The following POGLUT1 variants were observed in gnomAD, a reference collection of about 807,000 sequenced individuals.
POGLUT1 encodes the protein protein O-glucosyltransferase 1, also known as 9630046K23Rik.
In POGLUT1, 32 loss-of-function variants were observed where a neutral mutation model predicts 61.3. The observed-to-expected ratio is 0.52, with a 90% CI of 0.39 to 0.70. The LOEUF is 0.70. Among genes scored for constraint, POGLUT1 ranks in the 30% least tolerant of loss-of-function variants. The probability of loss-of-function intolerance (pLI) is 0.00; values close to 1 mark genes in which losing one functional copy is unlikely to be tolerated. For missense variants in POGLUT1, 411 were observed against 469.8 expected (o/e 0.87, Z 1.16); for synonymous variants, 158 against 158.2 (o/e 1.00, Z 0.01).
At chr3:119,488,728 C>T in intron 7 of POGLUT1, 1 of 380,026 alleles carries the variant, frequency 2.6e-6, no homozygotes, top group Admixed American at 3.9e-5. Context: ...CTATTTAGAG[C>T]CACACTGACC....
In POGLUT1 at chr3:119,477,319, T is replaced by C. The variant is rs3732420; in HGVS notation, c.327T>C (p.Ser109=). The C allele has an allele frequency of 0.19, 302,582 of 1,613,422 alleles. 30,093 individuals carry two copies. The highest frequency in any genetic ancestry group is 0.24 in the Admixed American group (14,338 of 60,012). The change falls in exon 4 of 11, where the codon AGT becomes AGC. Residue 109 remains serine (S), a synonymous_variant. Transcript: ENST00000295588. The part of the protein sequence containing the change: ...ENDCMFPSRC[S]GVEHFILEVI... ...TGGTATGTCTGGTTGACAGGTGTAG[T>C]GGTGTTGAGCACTTTATTTTGGAAG...
Position 119,480,180 on chromosome 3 carries a change from C to T in POGLUT1, c.578+8C>T, listed in dbSNP as rs369576228. On this transcript the variant is annotated splice_region_variant and intron_variant, in intron 5 of 10. Coordinates refer to ENST00000295588, the MANE Select transcript of POGLUT1 (RefSeq NM_152305.3). ...CAGAGAAGATCTGGTAAGGTAGGTC[C>T]TTTAAAGAGGTTTTATTTTTTCTCT... The T allele has an allele frequency of 5.0e-5, 77 of 1,536,622 alleles. No individual in the cohort carries two copies. In the African/African-American group the frequency reaches 9.4e-4, roughly 19 times the overall value.
intron 4 of POGLUT1, among the ~76,000 whole-genome samples, chr3:119,479,212 G>A (rs1218321962): frequency 6.6e-6 from 1 of 152,080 alleles, no homozygotes. Flanking sequence ...TTACAGGTGT[G>A]AGCCACCGTG....
At chr3:119,471,510 C>G in intron 3 of POGLUT1, 58 bp downstream of exon 3, 2 of 1,511,328 alleles carry the variant, frequency 1.3e-6, no homozygotes, top group Non-Finnish European at 1.8e-6. Flanking sequence ...GCTTGATACC[C>G]TTTTATAGAG....
intron 6 of POGLUT1, 56 bp from the exon 7 acceptor site, chr3:119,486,777 G>T: frequency 8.5e-7 from 1 of 1,183,010 alleles, no homozygotes; most frequent in Non-Finnish European, 1.3e-6. Context: ...TTCAGGGATT[G>T]GGAACAGTTT....
At chr3:119,490,835 T>C in intron 9 of POGLUT1, 117 bp downstream of exon 9, 1 of 844,580 alleles carries the variant, frequency 1.2e-6, no homozygotes, top group Non-Finnish European at 1.8e-6. Context: ...TTTTTTTCCA[T>C]TGAAAGCTTT....
chr3:119,490,704 T>A lies in POGLUT1; in HGVS notation c.951T>A (p.Asp317Glu). The change falls in exon 9 of 11, where the codon GAT becomes GAA. Residue 317 changes from aspartate to glutamate, a missense_variant. Physicochemically the swap from Asp to Glu is conservative, Grantham distance 45. Coordinates refer to ENST00000295588, the MANE Select transcript of POGLUT1 (RefSeq NM_152305.3). ...TTCACTATATCCCAGTCAAAACAGA[T>A]CTCTCCAATGTCCAGTAAGCAGTTA... ...PWVHYIPVKT[D>E]LSNVQELLQF... is the part of the protein sequence containing the mutation. The A allele has an allele frequency of 6.2e-7, 1 of 1,614,004 alleles. No homozygotes were observed. Among genetic ancestry groups the A allele is most frequent in the Non-Finnish European group, 8.5e-7 (1 of 1,179,952 alleles).
Position 119,493,420 on chromosome 3 carries a change from T to A in POGLUT1, c.*982T>A, listed in dbSNP as rs181011453. On this transcript the variant is annotated 3_prime_UTR_variant, in exon 11 of 11. Coordinates refer to ENST00000295588, the MANE Select transcript of POGLUT1 (RefSeq NM_152305.3). The stretch of plus-strand genomic sequence containing the variant: ...ATGATGGAGTGCCTCCCTTTTCCTT[T>A]TTTCACTTTTTGAAAAAGATGTTTT... The A allele has an allele frequency of 7.2e-5, 11 of 152,342 alleles. 1 individual carries two copies. The highest frequency in any genetic ancestry group is 7.2e-4 in the Admixed American group (11 of 15,304). 9.4% of individuals were successfully genotyped at this position (152,342 alleles called of 1,614,324 possible). A position where few individuals can be genotyped will look rare whatever the true frequency, so the allele number is the denominator to read the frequency against.
At position 119,492,456 on chromosome 3, in the gene POGLUT1, T is replaced by C. The variant is rs1195116666; in HGVS notation, c.*18T>C. On this transcript the variant is annotated 3_prime_UTR_variant, in exon 11 of 11. Coordinates refer to ENST00000295588, the MANE Select transcript of POGLUT1 (RefSeq NM_152305.3). ...AACTATAGTAGTCATCATAGGACCA[T>C]AGTCCTCTTTGTGGCAACAGATCTC... The C allele has an allele frequency of 2.0e-6, 3 of 1,511,732 alleles. No individual in the cohort carries two copies. The highest frequency in any genetic ancestry group is 1.3e-5 in the South Asian group (1 of 79,526). 93.6% of individuals were successfully genotyped at this position (1,511,732 alleles called of 1,614,324 possible). A position where few individuals can be genotyped will look rare whatever the true frequency, so the allele number is the denominator to read the frequency against.
intron 7 of POGLUT1, 129 bp downstream of exon 7, chr3:119,487,061 A>G: frequency 1.4e-6 from 1 of 696,194 alleles, no homozygotes; most frequent in East Asian, 2.5e-5. Context: ...AGTTCCATGA[A>G]CCAGCATTAG....
At chr3:119,477,802 CAA>C in intron 4 of POGLUT1, among the ~76,000 whole-genome samples, 1 of 152,064 alleles carries the variant, frequency 6.6e-6, no homozygotes, top group Non-Finnish European at 1.5e-5. Flanking sequence ...ACCTTCATTC[CAA>C]AAGTTTGTTG....
chr3:119,482,487 G>C (rs576277162), intron 5 of POGLUT1, among the ~76,000 whole-genome samples: 1 of 152,134 alleles, frequency 6.6e-6, no homozygotes, highest in Non-Finnish European at 1.5e-5. Context: ...TTACTCCACC[G>C]TGTAGTTATT....
Position 119,471,369 on chromosome 3 carries a change from GGTA to G in POGLUT1, c.240_242del (p.Val81del), listed in dbSNP as rs767123166. The stretch of plus-strand genomic sequence containing the variant: ...GCATCTCCAGGAAGATGATGGCAGA[GGTA>G]GTCAGACGGAAGCTAGGGACCCACT... On this transcript the variant is annotated inframe_deletion, in exon 3 of 11. Coordinates refer to ENST00000295588, the MANE Select transcript of POGLUT1 (RefSeq NM_152305.3). 6.2e-7 allele frequency: 1 copy of G among 1,613,874 alleles called. No individual in the cohort carries two copies. The highest frequency in any genetic ancestry group is 1.1e-5 in the South Asian group (1 of 91,076).
chr3:119,489,026 A>G, intron 8 of POGLUT1, 39 bp downstream of exon 8: 1 of 1,212,130 alleles, frequency 8.2e-7, no homozygotes, highest in Non-Finnish European at 1.2e-6. Flanking sequence ...TGGTTTCCAT[A>G]CTGCTTTTGA....
intron 3 of POGLUT1, among the ~76,000 whole-genome samples, chr3:119,475,010 C>T (rs3932422): frequency 6.6e-6 from 1 of 151,126 alleles, no homozygotes; most frequent in Non-Finnish European, 1.5e-5. Context: ...TGTAAAATAT[C>T]CAAATATTTT....
At chr3:119,484,918 T>C (rs959627192) in intron 5 of POGLUT1, among the ~76,000 whole-genome samples, 2 of 152,134 alleles carry the variant, frequency 1.3e-5, no homozygotes, top group Non-Finnish European at 2.9e-5. Flanking sequence ...TAGACTTACT[T>C]AGAAATATGA....
chr3:119,480,741 CTTTTT>C (rs549105221), intron 5 of POGLUT1, among the ~76,000 whole-genome samples: 1 of 138,264 alleles, frequency 7.2e-6, no homozygotes. Context: ...ATTTTTCTTT[CTTTTT>C]TTTTTTTTTT....
intron 5 of POGLUT1, among the ~76,000 whole-genome samples, 154 bp downstream of exon 5, chr3:119,480,326 G>A (rs909097748): frequency 5.3e-5 from 8 of 151,288 alleles, no homozygotes; most frequent in African/African-American, 1.9e-4. Context: ...TCAGCTCACC[G>A]CAACCTCCGC....
intron 5 of POGLUT1, among the ~76,000 whole-genome samples, chr3:119,481,170 TTG>T (rs1358153421): frequency 1.1e-4 from 16 of 152,214 alleles, no homozygotes; most frequent in Admixed American, 9.8e-4. Context: ...TACTTGGCAA[TTG>T]AGAGCTAAGT....
Sources: allele counts gnomAD v4.1 joint callset (sites outside exome capture counted in the v4.1 genomes callset), GRCh38; gene constraint gnomAD v4.1.1; transcripts MANE v1.5; gene names NCBI Gene and HGNC (gene_info 2026-07-23, HGNC 2026-07-21).